Variants in MYO19 observed in about 807,000 individuals in gnomAD.
MYO19 encodes myosin XIX, also known as unconventional myosin-XIX.
Under a neutral mutation model 129.2 loss-of-function variants are expected in MYO19, and 132 were observed. The ratio of observed to expected loss-of-function variants is 1.02; its 90% CI spans 0.89 to 1.18. The LOEUF (loss-of-function observed/expected upper bound fraction) is 1.18, where lower values mean the gene tolerates loss of function less well. Among genes scored for constraint, MYO19 ranks in the 50% most tolerant of loss-of-function variants. MYO19 has a pLI of 0.00. For synonymous variants in MYO19, 531 were observed against 477.2 expected (o/e 1.11, Z -1.47); for missense variants, 1,210 against 1,216.7 (o/e 0.99, Z 0.08).
intron 6 of MYO19, among the ~76,000 whole-genome samples, chr17:36,517,238 T>G (rs1195665411): frequency 6.6e-6 from 1 of 152,236 alleles, no homozygotes; most frequent in Non-Finnish European, 1.5e-5. Flanking sequence ...TTTATAAGTC[T>G]GACTGGAGAG....
upstream of MYO19, chr17:36,536,995 C>G: frequency 9.5e-7 from 1 of 1,049,708 alleles, no homozygotes; most frequent in South Asian, 1.7e-5. Flanking sequence ...CAAAGTTCTG[C>G]TCTGAAATCT....
Position 36,498,313 on chromosome 17 carries a change from T to C in MYO19, c.2710A>G (p.Thr904Ala). 6.2e-7 allele frequency: 1 copy of C among 1,613,976 alleles called. No individual in the cohort carries two copies. Among genetic ancestry groups the C allele is most frequent in the East Asian group, 2.2e-5 (1 of 44,884 alleles). Residue 904 changes from threonine (T) to alanine (A), a missense_variant, in exon 25 of 26, where the codon ACA becomes GCA. Coordinates refer to ENST00000614623, the MANE Select transcript of MYO19 (RefSeq NM_001163735.2). ...RGSPSSYTVQ[T>A]AQDQAGVTSI... Reference sequence around the variant, plus strand: ...GTGACACCAGCCTGGTCTTGTGCTGTCTGGACAGTGTAGCTACTGGGGCTG... The same window carrying C: ...GTGACACCAGCCTGGTCTTGTGCTGCCTGGACAGTGTAGCTACTGGGGCTG...
At position 36,498,135 on chromosome 17, in the gene MYO19, C is replaced by T. The variant is rs147984329; in HGVS notation, c.2757+131G>A. On this transcript the variant is annotated intron_variant, in intron 25 of 25. Transcript: ENST00000614623. ...CCTGCAGCTGATTGGGACATGCAGC[C>T]CTCTGGTTTACCCAGTAGGGTTAGG... 4.4e-4 allele frequency: 421 copies of T among 949,706 alleles called. 2 individuals carry two copies. In the African/African-American group the frequency reaches 6.3e-3, roughly 14 times the overall value. The allele number at this position is 949,706 out of a possible 1,614,324, so 58.8% of individuals were successfully genotyped here.
chr17:36,514,473 A>T lies in MYO19; in HGVS notation c.693T>A (p.Ser231Arg). ...GATAGAAGATGTGGAAGTTCCTCTC[A>T]CTGGAAGCCTGGCAGGCCACTCGAG... ...EKTRVACQAS[S>R]ERNFHIFYQI... The change falls in exon 9 of 26, where the codon AGT (serine) becomes AGA (arginine). Residue 231 changes from serine to arginine, a missense_variant. Coordinates refer to ENST00000614623, the MANE Select transcript of MYO19 (RefSeq NM_001163735.2). 1 of 1,613,246 alleles carries T rather than the reference A, an allele frequency of 6.2e-7. No homozygotes were observed. The highest frequency in any genetic ancestry group is 8.5e-7 in the Non-Finnish European group (1 of 1,179,234).
chr17:36,525,053 C>T (rs1394645682), intron 6 of MYO19, among the ~76,000 whole-genome samples, 175 bp downstream of exon 6: 2 of 152,202 alleles, frequency 1.3e-5, no homozygotes, highest in Non-Finnish European at 2.9e-5. Context: ...TATCCTGTCT[C>T]TTGACTTCCG....
chr17:36,503,105 C>A lies in MYO19; in HGVS notation c.2072G>T (p.Gly691Val). The A allele has an allele frequency of 6.2e-7, 1 of 1,613,758 alleles. No homozygotes were observed. The highest frequency in any genetic ancestry group is 8.5e-7 in the Non-Finnish European group (1 of 1,179,676). ...TCATGGGTCCCACTCACCAGGGAGC[C>A]CTTTGGCAGGATATGGGCTGTCGGG... is the stretch of plus-strand genomic sequence containing the variant. ...SGPDSPYPAK[G>V]LPEWCPHSEE... The change falls in exon 21 of 26, where the codon GGG (glycine) becomes GTG (valine). Residue 691 changes from glycine (G) to valine (V), a missense_variant. Transcript: ENST00000614623.
In MYO19 at chr17:36,511,292, C is replaced by G. The variant is rs548621691; in HGVS notation, c.985+73G>C. 17 of 1,485,188 alleles carry G rather than the reference C, an allele frequency of 1.1e-5. No individual in the cohort carries two copies. In the South Asian group the frequency reaches 1.2e-4, roughly 11 times the overall value. 92.0% of individuals were successfully genotyped at this position (1,485,188 alleles called of 1,614,324 possible). A position where few individuals can be genotyped will look rare whatever the true frequency, so the allele number is the denominator to read the frequency against. On this transcript the variant is annotated intron_variant, in intron 12 of 25. Coordinates refer to ENST00000614623, the MANE Select transcript of MYO19 (RefSeq NM_001163735.2). ...TCAGATTCCAATTTTCACCATCCAG[C>G]CTTCCACCCAACCCCAGCAATGCTG...
In MYO19 at chr17:36,495,691, A is replaced by C; in HGVS notation, c.*560T>G. The C allele has an allele frequency of 7.9e-7, 1 of 1,262,996 alleles. No homozygotes were observed. Among genetic ancestry groups the C allele is most frequent in the Non-Finnish European group, 9.9e-7 (1 of 1,006,422 alleles). 78.2% of individuals were successfully genotyped at this position (1,262,996 alleles called of 1,614,324 possible). A position where few individuals can be genotyped will look rare whatever the true frequency, so the allele number is the denominator to read the frequency against. ...TTGATAGACATCATAAACGATATCA[A>C]GCTTACACTTCATATGGAGTTAAAC... On this transcript the variant is annotated 3_prime_UTR_variant, in exon 26 of 26. Transcript: ENST00000614623.
intron 19 of MYO19, chr17:36,504,912 CAAAAAAAAAAAAAA>C (rs35146983): frequency 5.5e-6 from 1 of 181,944 alleles, no homozygotes; most frequent in Non-Finnish European, 1.1e-5. Flanking sequence ...GGCTCAGTCT[CAAAAAAAAAAAAAA>C]AAAAGAAAAA....
In MYO19 at chr17:36,500,886, CGCCTCCA is replaced by C; in HGVS notation, c.2314_2320del (p.Trp772AspfsTer25). ...CCGCTCCTGCTCTCGGTGCCGGTGT[CGCCTCCA>C]GCCACCCTGGATGCAGCGGGCACAC... On this transcript the variant is annotated frameshift_variant, in exon 23 of 26. Transcript: ENST00000614623. LOFTEE classifies it high-confidence loss of function. 1 of 1,606,734 alleles carries C rather than the reference CGCCTCCA, an allele frequency of 6.2e-7. No homozygotes were observed. The highest frequency in any genetic ancestry group is 2.2e-5 in the East Asian group (1 of 44,800).
intron 18 of MYO19, among the ~76,000 whole-genome samples, chr17:36,506,168 G>A (rs2071869883): frequency 6.6e-6 from 1 of 152,160 alleles, no homozygotes; most frequent in Non-Finnish European, 1.5e-5. Context: ...GGTCAAAGAA[G>A]CTCATGTAGC....
At chr17:36,522,914 G>A (rs998464956) in intron 6 of MYO19, among the ~76,000 whole-genome samples, 4 of 151,754 alleles carry the variant, frequency 2.6e-5, no homozygotes, top group African/African-American at 9.7e-5. Context: ...GCTGAGGCAG[G>A]AGAATGGTGT....
chr17:36,516,660 C>A (rs1310650659), intron 6 of MYO19, among the ~76,000 whole-genome samples: 1 of 151,782 alleles, frequency 6.6e-6, no homozygotes, highest in Non-Finnish European at 1.5e-5. Context: ...AGCCACCGCA[C>A]CTGGCCCCAA....
At position 36,511,522 on chromosome 17, in the gene MYO19, C is replaced by T. The variant is rs535167643; in HGVS notation, c.895-67G>A. 66 of 1,408,484 alleles carry T rather than the reference C, an allele frequency of 4.7e-5. 3 individuals carry two copies. The South Asian group carries it at 6.7e-4, about 14-fold the overall frequency. The allele number at this position is 1,408,484 out of a possible 1,614,324, so 87.2% of individuals were successfully genotyped here. A position where few individuals can be genotyped will look rare whatever the true frequency, so the allele number is the denominator to read the frequency against. ...GACGTGGGCCTACTCTGGGAAGGGCCGTTCTGCTGAGTACAATCACGACAG... is the reference window on the plus strand; with the variant it reads ...GACGTGGGCCTACTCTGGGAAGGGCTGTTCTGCTGAGTACAATCACGACAG... On this transcript the variant is annotated intron_variant, in intron 11 of 25. Coordinates refer to ENST00000614623, the MANE Select transcript of MYO19 (RefSeq NM_001163735.2).
upstream of MYO19, chr17:36,537,514 C>T (rs761046219): frequency 1.1e-5 from 17 of 1,613,962 alleles, no homozygotes; most frequent in East Asian, 2.2e-5. Context: ...ATTACCAGTG[C>T]GTTTACTGCT....
chr17:36,498,653 C>G (rs2071223374), intron 24 of MYO19, 94 bp from the exon 25 acceptor site: 1 of 1,384,270 alleles, frequency 7.2e-7, no homozygotes, highest in Non-Finnish European at 9.6e-7. Context: ...ATCATCTTAA[C>G]AAGGTGAACT....
At chr17:36,515,214 C>T in intron 7 of MYO19, 32 bp from the exon 8 acceptor site, 1 of 1,598,602 alleles carries the variant, frequency 6.3e-7, no homozygotes, top group Non-Finnish European at 8.5e-7. Context: ...ATTTCACTCC[C>T]CTGGGTTTGC....
upstream of MYO19, chr17:36,537,724 C>T (rs36126803): frequency 1.1e-5 from 17 of 1,613,924 alleles, no homozygotes; most frequent in Non-Finnish European, 1.4e-5. Context: ...TCTGTTTGGC[C>T]ATTAGTCTTC....
chr17:36,511,216 G>C, intron 12 of MYO19, 149 bp downstream of exon 12: 1 of 801,076 alleles, frequency 1.2e-6, no homozygotes, highest in Non-Finnish European at 2.0e-6. Flanking sequence ...ACAGGGTGAG[G>C]AGTAAATGAT....
Sources: gnomAD v4.1 joint callset for allele counts (sites outside exome capture counted in the v4.1 genomes callset) on GRCh38, gnomAD v4.1.1 for gene constraint, MANE v1.5 for transcripts, NCBI Gene and HGNC (gene_info 2026-07-23, HGNC 2026-07-21) for gene names.